USP42: variants seen among roughly 807,000 people sequenced by gnomAD.
USP42 encodes ubiquitin specific peptidase 42.
USP42 carries 23 observed loss-of-function variants against 113.0 expected under a neutral mutation model. The observed-to-expected ratio is 0.20, with a 90% CI of 0.15 to 0.29. The LOEUF (loss-of-function observed/expected upper bound fraction) is 0.29. Ranked by LOEUF, USP42 falls within the 10% of genes least tolerant of loss-of-function variation. USP42 has a pLI of 1.00. For missense variants in USP42, 2,174 were observed against 1,779.8 expected (o/e 1.22, Z -3.99); for synonymous variants, 933 against 699.0 (o/e 1.33, Z -5.28).
chr7:6,153,702 A>G lies in USP42; in HGVS notation c.2202-54A>G, dbSNP rs529661004. On this transcript the variant is annotated intron_variant, in intron 14 of 17. Coordinates refer to ENST00000306177, the MANE Select transcript of USP42 (RefSeq NM_032172.3). ...GTATTTGTCCTTGTAATGCAATGAC[A>G]TGAGCCTGTCAAGCCCACGCTAACG... The G allele has an allele frequency of 8.4e-6, 12 of 1,420,926 alleles. No individual in the cohort carries two copies. In the East Asian group the frequency reaches 2.2e-4, roughly 26 times the overall value. 88.0% of individuals were successfully genotyped at this position (1,420,926 alleles called of 1,614,324 possible).
At position 6,153,898 on chromosome 7, in the gene USP42, G is replaced by A. The variant is rs769524892; in HGVS notation, c.2344G>A (p.Gly782Ser). Residue 782 changes from glycine (G) to serine (S), a missense_variant, in exon 15 of 18, where the codon GGC (glycine) becomes AGC (serine). Gly to Ser is a moderately conservative substitution (Grantham distance 56). Transcript: ENST00000306177. The stretch of plus-strand genomic sequence containing the variant: ...GAAGGCTCCGCCGCCCCGCGATCCC[G>A]GCACCCCCGCTACCAAAGAAGGCGC... ...TKKAPPPRDPGTPATKEGAWE... is the reference protein window; with the variant it reads ...TKKAPPPRDPSTPATKEGAWE... 1.2e-5 allele frequency: 19 copies of A among 1,587,290 alleles called. No homozygotes were observed. The highest frequency in any genetic ancestry group is 3.5e-4 in the Middle Eastern group (2 of 5,676).
chr7:6,160,376 C>G (rs1440312722), intron 17 of USP42, among the ~76,000 whole-genome samples, 179 bp from the exon 18 acceptor site: 1 of 152,060 alleles, frequency 6.6e-6, no homozygotes. Flanking sequence ...GCCTCCCTGG[C>G]TGAGCTGCCC....
At chr7:6,117,769 G>A (rs550941725) in intron 3 of USP42, among the ~76,000 whole-genome samples, 27 of 152,280 alleles carry the variant, frequency 1.8e-4, no homozygotes, top group African/African-American at 6.0e-4. Context: ...GTATTTTGTT[G>A]TGGTTTTAAT....
chr7:6,148,026 C>G, intron 12 of USP42, 134 bp downstream of exon 12: 1 of 979,112 alleles, frequency 1.0e-6, no homozygotes, highest in African/African-American at 1.6e-5. Flanking sequence ...ATCAAACCCT[C>G]TTACACAGTA....
chr7:6,122,620 G>T (rs1780292927), intron 3 of USP42, among the ~76,000 whole-genome samples: 1 of 151,826 alleles, frequency 6.6e-6, no homozygotes, highest in Non-Finnish European at 1.5e-5. Context: ...ACAGGCACAT[G>T]CCACCACACC....
At chr7:6,123,775 G>T (rs1350322464) in intron 3 of USP42, among the ~76,000 whole-genome samples, 1 of 145,826 alleles carries the variant, frequency 6.9e-6, no homozygotes. Flanking sequence ...TTGAGCCAGG[G>T]AGTTGAAGGA....
chr7:6,125,436 G>C (rs772217532), intron 3 of USP42, among the ~76,000 whole-genome samples: 1 of 152,096 alleles, frequency 6.6e-6, no homozygotes, highest in Non-Finnish European at 1.5e-5. Context: ...GTTGCAGTGA[G>C]CCAAGAACAC....
intron 3 of USP42, among the ~76,000 whole-genome samples, chr7:6,132,292 G>GGTGTAAGATCTTTTGAATATT (rs1780893943): frequency 6.6e-6 from 1 of 152,160 alleles, no homozygotes; most frequent in South Asian, 2.1e-4. Flanking sequence ...TGCCTGATAA[G>GGTGTAAGATCTTTTGAATATT]AAGTCTGTTG....
chr7:6,090,152 TAGAC>T, the USP42 span, among the ~76,000 whole-genome samples: 1 of 147,782 alleles, frequency 6.8e-6, no homozygotes, highest in Non-Finnish European at 1.5e-5. Context: ...AACACAAAAT[TAGAC>T]AGGCATGGTG....
At chr7:6,104,371 G>A (rs1008091235), upstream of USP42, among the ~76,000 whole-genome samples, 4 of 152,158 alleles carry the variant, frequency 2.6e-5, no homozygotes, top group Admixed American at 6.5e-5. Flanking sequence ...GTGAGCCACC[G>A]CGCCCGGCCC....
chr7:6,102,945 G>C (rs977705442), upstream of USP42, among the ~76,000 whole-genome samples: 4 of 151,066 alleles, frequency 2.6e-5, no homozygotes, highest in Admixed American at 6.6e-5. Context: ...GCGAAGAAAG[G>C]CTGACTCAGG....
chr7:6,091,062 T>C, the USP42 span, among the ~76,000 whole-genome samples: 5 of 150,938 alleles, frequency 3.3e-5, no homozygotes, highest in Admixed American at 2.6e-4. Context: ...TGGCCTCCTT[T>C]GATTGTGTTC....
At chr7:6,113,191 G>A (rs780250618) in intron 2 of USP42, among the ~76,000 whole-genome samples, 8 of 151,992 alleles carry the variant, frequency 5.3e-5, no homozygotes, top group Non-Finnish European at 1.2e-4. Context: ...CACTGCACCC[G>A]GACAACAGTA....
chr7:6,118,187 A>G (rs751993935), intron 3 of USP42, among the ~76,000 whole-genome samples: 22 of 152,094 alleles, frequency 1.4e-4, no homozygotes, highest in Non-Finnish European at 1.8e-4. Flanking sequence ...TGAGCCCAGG[A>G]TTTCAAGACT....
At chr7:6,153,303 A>AG (rs1554348238) in intron 14 of USP42, among the ~76,000 whole-genome samples, 1 of 94,284 alleles carries the variant, frequency 1.1e-5, no homozygotes, top group Non-Finnish European at 1.8e-5. Flanking sequence ...GAAACAAAAC[A>AG]AAAAAAAAAA....
chr7:6,145,120 T>A (rs1302865624), intron 9 of USP42, among the ~76,000 whole-genome samples: 1 of 151,878 alleles, frequency 6.6e-6, no homozygotes, highest in Non-Finnish European at 1.5e-5. Context: ...GATCACGAGG[T>A]CAGGCGTTCA....
chr7:6,088,107 C>A, the USP42 span, among the ~76,000 whole-genome samples: 4 of 150,976 alleles, frequency 2.6e-5, no homozygotes, highest in South Asian at 2.1e-4. Context: ...CGAGACCCAC[C>A]TGGGCAATAT....
chr7:6,130,256 G>T, intron 3 of USP42, among the ~76,000 whole-genome samples: 1 of 152,248 alleles, frequency 6.6e-6, no homozygotes. Flanking sequence ...GTCAGATGGA[G>T]TAGAAGCCCA....
chr7:6,142,041 G>A (rs1029621246), intron 7 of USP42, among the ~76,000 whole-genome samples: 2 of 152,190 alleles, frequency 1.3e-5, no homozygotes, highest in South Asian at 2.1e-4. Flanking sequence ...TTCCTGTGCC[G>A]AATTCCTTGC....
Sources: gnomAD v4.1 joint callset for allele counts (sites outside exome capture counted in the v4.1 genomes callset) on GRCh38, gnomAD v4.1.1 for gene constraint, MANE v1.5 for transcripts, NCBI Gene and HGNC (gene_info 2026-07-23, HGNC 2026-07-21) for gene names.